UPP2: variants seen among roughly 807,000 people sequenced by gnomAD.
UPP2 encodes uridine phosphorylase 2, also known as UPase 2.
Under a neutral mutation model 26.7 loss-of-function variants are expected in UPP2, and 23 were observed. The ratio of observed to expected loss-of-function variants is 0.86; its 90% CI spans 0.62 to 1.22. The LOEUF (loss-of-function observed/expected upper bound fraction) is 1.22, where lower values mean the gene tolerates loss of function less well. UPP2 is among the 50% of genes most tolerant of loss of function. UPP2 has a pLI of 0.00. For missense variants in UPP2, 387 were observed against 396.7 expected (o/e 0.98, Z 0.21); for synonymous variants, 127 against 141.3 (o/e 0.90, Z 0.72).
chr2:158,082,440 T>G (rs1426266401), intron 3 of UPP2, among the ~76,000 whole-genome samples: 1 of 152,128 alleles, frequency 6.6e-6, no homozygotes, highest in Non-Finnish European at 1.5e-5. Flanking sequence ...CACTTATGAA[T>G]GAGAATATAC....
chr2:158,056,891 A>G (rs1303855987), intron 3 of UPP2, among the ~76,000 whole-genome samples: 1 of 152,094 alleles, frequency 6.6e-6, no homozygotes, highest in Non-Finnish European at 1.5e-5. Context: ...AACAGATCTC[A>G]TCCAAGACAC....
intron 3 of UPP2, among the ~76,000 whole-genome samples, chr2:158,083,164 T>G (rs1400793219): frequency 1.3e-5 from 2 of 152,176 alleles, no homozygotes; most frequent in African/African-American, 4.8e-5. Flanking sequence ...CTCAAGGATC[T>G]AGAATCAGAA....
chr2:158,080,305 A>T (rs1158221365), intron 3 of UPP2, among the ~76,000 whole-genome samples: 1 of 152,130 alleles, frequency 6.6e-6, no homozygotes, highest in Admixed American at 6.5e-5. Flanking sequence ...AGAAGAAAAC[A>T]CTAAGATTAT....
intron 3 of UPP2, among the ~76,000 whole-genome samples, chr2:158,034,443 G>C (rs1012363911): frequency 1.3e-5 from 2 of 152,134 alleles, no homozygotes; most frequent in African/African-American, 4.8e-5. Flanking sequence ...GCAGGTGTCA[G>C]TAAGTTCTAA....
chr2:158,099,364 C>T (rs1396440298), upstream of UPP2, among the ~76,000 whole-genome samples: 1 of 152,106 alleles, frequency 6.6e-6, no homozygotes, highest in Non-Finnish European at 1.5e-5. Flanking sequence ...ATGGAAGAGC[C>T]AGGGAATCTG....
chr2:158,118,005 T>C (rs1558937741), intron 4 of UPP2, 67 bp downstream of exon 4: 1 of 1,340,758 alleles, frequency 7.5e-7, no homozygotes, highest in Non-Finnish European at 1.1e-6. Flanking sequence ...TGCCAAAATA[T>C]AACATCCTAT....
At chr2:158,060,716 G>A (rs902893775) in intron 3 of UPP2, among the ~76,000 whole-genome samples, 8 of 152,144 alleles carry the variant, frequency 5.3e-5, no homozygotes, top group Non-Finnish European at 1.0e-4. Flanking sequence ...ATGAAGTCAT[G>A]AGGGTAGGGC....
chr2:158,018,487 C>T (rs970309609), intron 3 of UPP2, among the ~76,000 whole-genome samples: 13 of 152,310 alleles, frequency 8.5e-5, no homozygotes, highest in African/African-American at 2.9e-4. Context: ...CAGCTCCCAT[C>T]CTTCTTCTAA....
intron 3 of UPP2, among the ~76,000 whole-genome samples, chr2:158,068,280 T>C (rs1414066107): frequency 1.3e-5 from 2 of 152,162 alleles, no homozygotes; most frequent in South Asian, 2.1e-4. Flanking sequence ...CTGGTTTTGT[T>C]TTAGGAGATT....
At chr2:158,051,292 G>T (rs945392157) in intron 3 of UPP2, among the ~76,000 whole-genome samples, 3 of 151,550 alleles carry the variant, frequency 2.0e-5, no homozygotes, top group African/African-American at 4.9e-5. Context: ...GGAGCATTTT[G>T]CATACTTCAT....
intron 2 of UPP2, among the ~76,000 whole-genome samples, chr2:158,010,696 A>G (rs1683561446): frequency 6.6e-6 from 1 of 152,114 alleles, no homozygotes; most frequent in African/African-American, 2.4e-5. Flanking sequence ...AGGCACAGTT[A>G]TATTAATAGG....
chr2:158,087,546 C>A (rs1260376910), intron 3 of UPP2, among the ~76,000 whole-genome samples: 1 of 151,938 alleles, frequency 6.6e-6, no homozygotes, highest in African/African-American at 2.4e-5. Flanking sequence ...TGCCTGAATA[C>A]CTTTTTTTGT....
At chr2:158,130,616 T>C (rs1292185428) in intron 6 of UPP2, among the ~76,000 whole-genome samples, 2 of 152,178 alleles carry the variant, frequency 1.3e-5, no homozygotes, top group African/African-American at 2.4e-5. Context: ...TTATAAAAGG[T>C]ATGGGACAAT....
intron 3 of UPP2, among the ~76,000 whole-genome samples, chr2:158,075,093 T>C (rs570748341): frequency 1.3e-5 from 2 of 152,160 alleles, no homozygotes; most frequent in Admixed American, 1.3e-4. Context: ...TAAATATATA[T>C]GCACCCAAAA....
At chr2:158,125,650 C>A (rs1300889841) in intron 6 of UPP2, among the ~76,000 whole-genome samples, 2 of 152,124 alleles carry the variant, frequency 1.3e-5, no homozygotes, top group Non-Finnish European at 2.9e-5. Context: ...GAACTCCTGA[C>A]ATCAAGTGAT....
At chr2:158,130,258 T>C (rs534477302) in intron 6 of UPP2, among the ~76,000 whole-genome samples, 17 of 152,064 alleles carry the variant, frequency 1.1e-4, no homozygotes, top group African/African-American at 4.1e-4. Context: ...CTGGCTAACA[T>C]GGTGAAACCT....
intron 2 of UPP2, among the ~76,000 whole-genome samples, chr2:158,008,331 T>G (rs1402155410): frequency 2.6e-5 from 4 of 152,224 alleles, no homozygotes; most frequent in Admixed American, 2.6e-4. Flanking sequence ...AATAATTACC[T>G]TTTGGAATGC....
At chr2:157,999,139 A>G (rs1297831575) in intron 2 of UPP2, among the ~76,000 whole-genome samples, 4 of 151,456 alleles carry the variant, frequency 2.6e-5, no homozygotes, top group Non-Finnish European at 5.9e-5. Context: ...GTATTTTTCA[A>G]CTCTAGAAGT....
At chr2:158,100,824 C>T (rs1447385603), upstream of UPP2, among the ~76,000 whole-genome samples, 4 of 152,076 alleles carry the variant, frequency 2.6e-5, no homozygotes, top group Admixed American at 2.6e-4. Flanking sequence ...ACATGGATTC[C>T]CCAATATAGA....
Sources: allele counts gnomAD v4.1 joint callset (sites outside exome capture counted in the v4.1 genomes callset), GRCh38; gene constraint gnomAD v4.1.1; transcripts MANE v1.5; gene names NCBI Gene and HGNC (gene_info 2026-07-23, HGNC 2026-07-21).